Variants in DNAAF5 observed in about 807,000 individuals in gnomAD.
DNAAF5 encodes the protein HEAT repeat containing 2.
Under a neutral mutation model 75.8 loss-of-function variants are expected in DNAAF5, and 64 were observed. The observed-to-expected ratio is 0.84, with a 90% confidence interval of 0.69 to 1.04. The LOEUF is 1.04. DNAAF5 is among the 50% of genes least tolerant of loss of function. DNAAF5 has a pLI of 0.00. For missense variants in DNAAF5, 1,269 were observed against 1,178.5 expected, an observed-to-expected ratio of 1.08 and a Z score of -1.12; for synonymous variants, 657 against 557.2, an observed-to-expected ratio of 1.18 and a Z score of -2.52.
At chr7:774,700 C>T (rs1287880400) in intron 10 of DNAAF5, among the ~76,000 whole-genome samples, 1 of 152,188 alleles carries the variant, frequency 6.6e-6, no homozygotes, top group Non-Finnish European at 1.5e-5. Flanking sequence ...CTGGTGCACG[C>T]GGGGTGGTGC....
intron 8 of DNAAF5, among the ~76,000 whole-genome samples, chr7:767,667 T>A (rs1324995973): frequency 1.3e-5 from 2 of 152,108 alleles, no homozygotes; most frequent in Non-Finnish European, 2.9e-5. Flanking sequence ...GTGTCCGTGC[T>A]GCAAGCAGGA....
chr7:766,421 T>C (rs1237496502), intron 8 of DNAAF5, among the ~76,000 whole-genome samples: 1 of 152,244 alleles, frequency 6.6e-6, no homozygotes, highest in Non-Finnish European at 1.5e-5. Context: ...TATGGGAAGA[T>C]ACCTTTTAAA....
chr7:749,335 C>T (rs1012709804), intron 4 of DNAAF5, among the ~76,000 whole-genome samples: 2 of 152,218 alleles, frequency 1.3e-5, no homozygotes, highest in African/African-American at 4.8e-5. Context: ...TTGGCAATGC[C>T]TGAGCGTAAA....
chr7:756,545 C>A (rs1263197095), intron 5 of DNAAF5, among the ~76,000 whole-genome samples: 1 of 152,190 alleles, frequency 6.6e-6, no homozygotes, highest in South Asian at 2.1e-4. Flanking sequence ...TCCTTTGGGC[C>A]AGACTTCACT....
chr7:735,359 CGTTGCTCATATTGTA>C (rs1399076330), intron 2 of DNAAF5, among the ~76,000 whole-genome samples: 14 of 147,674 alleles, frequency 9.5e-5, no homozygotes, highest in Non-Finnish European at 1.6e-4. Context: ...CTCATGGTGT[CGTTGCTCATATTGTA>C]GTTGCTCATA....
At chr7:757,285 AT>A (rs1160730276) in intron 6 of DNAAF5, among the ~76,000 whole-genome samples, 4 of 146,812 alleles carry the variant, frequency 2.7e-5, no homozygotes, top group African/African-American at 1.0e-4. Context: ...TCACGTTTAC[AT>A]TCGTTGCTGC....
rs151119269 is a variant in DNAAF5 at position 754,695 on chromosome 7, G to T, written c.1131G>T (p.Val377=). 2.1e-5 allele frequency: 34 copies of T among 1,614,044 alleles called. 1 individual carries two copies. The Middle Eastern group carries it at 2.6e-3, about 125-fold the overall frequency. ...CCGACTGGGTGGTGGGGACCCGAGT[G>T]AAGTCGGCACAGCTGCTCCCAGTGC... ...DITDWVVGTR[V]KSAQLLPVLL... Residue 377 remains valine, a synonymous_variant, in exon 5 of 13, where the codon GTG becomes GTT. Transcript: ENST00000297440. The surrounding 1 kb of genome is among the most constrained non-coding windows in gnomAD (Gnocchi z 4.8).
rs1262724211 is a variant in DNAAF5 at position 729,528 on chromosome 7, T to C, written c.596-135T>C. 5 of 774,128 alleles carry C rather than the reference T, an allele frequency of 6.5e-6. No individual in the cohort carries two copies. In the East Asian group the frequency reaches 1.1e-4, roughly 17 times the overall value. The allele number at this position is 774,128 out of a possible 1,614,324, so 48.0% of individuals were successfully genotyped here. ...GGCAGCCTGGATTGTGTACTGTTCA[T>C]GCAGCAAGGACCTGGCGTAGGAGAG... is the stretch of plus-strand genomic sequence containing the variant. On this transcript the variant is annotated intron_variant, in intron 1 of 12. Coordinates refer to ENST00000297440, the MANE Select transcript of DNAAF5 (RefSeq NM_017802.4).
chr7:744,572 A>T (rs1389830641), intron 4 of DNAAF5, among the ~76,000 whole-genome samples: 1 of 152,236 alleles, frequency 6.6e-6, no homozygotes, highest in African/African-American at 2.4e-5. Flanking sequence ...ATCACTGGCC[A>T]TCAGAGAAAT....
intron 4 of DNAAF5, among the ~76,000 whole-genome samples, chr7:753,713 CTCAT>C (rs1465795994): frequency 3.5e-5 from 5 of 143,778 alleles, no homozygotes; most frequent in East Asian, 2.1e-4. Flanking sequence ...GCGTGTCTCT[CTCAT>C]ATGGGGACGG....
intron 2 of DNAAF5, among the ~76,000 whole-genome samples, chr7:739,061 GGGGC>G (rs1280760835): frequency 2.1e-5 from 3 of 143,976 alleles, no homozygotes; most frequent in Non-Finnish European, 3.0e-5. Context: ...GTTTGGGCTG[GGGGC>G]TGGCTGCAGT....
At chr7:761,450 T>C (rs1782640758) in intron 6 of DNAAF5, among the ~76,000 whole-genome samples, 1 of 152,262 alleles carries the variant, frequency 6.6e-6, no homozygotes. Context: ...GGACTCAAAG[T>C]TCCACATGGC....
chr7:730,081 T>C (rs568532403), intron 2 of DNAAF5, among the ~76,000 whole-genome samples: 1 of 152,298 alleles, frequency 6.6e-6, no homozygotes, highest in South Asian at 2.1e-4. Context: ...GGATGACTTG[T>C]GTAGTTATTG....
In DNAAF5 at chr7:727,201, G is replaced by C. The variant is rs1781354480; in HGVS notation, c.481G>C (p.Ala161Pro). ...CGTGGACCTGTGCGGCGCCGCGCTC[G>C]CGCCCCACCTGGACGACGCTCTGCG... ...LAVDLCGAAL[A>P]PHLDDALRAL... Residue 161 changes from alanine to proline, a missense_variant, in exon 1 of 13, where the codon GCG becomes CCG. By Grantham distance (27) the Ala-to-Pro change is conservative (BLOSUM62 -1). Transcript: ENST00000297440. 3.0e-6 allele frequency: 4 copies of C among 1,345,666 alleles called. No homozygotes were observed. The highest frequency in any genetic ancestry group is 3.8e-6 in the Non-Finnish European group (4 of 1,045,856). 83.4% of individuals were successfully genotyped at this position (1,345,666 alleles called of 1,614,324 possible).
At chr7:770,043 C>T (rs532051182) in intron 8 of DNAAF5, among the ~76,000 whole-genome samples, 1 of 152,100 alleles carries the variant, frequency 6.6e-6, no homozygotes, top group East Asian at 1.9e-4. Flanking sequence ...CCTCCACCTC[C>T]CAGGTTCAAG....
chr7:739,556 A>T (rs893465972), intron 2 of DNAAF5, among the ~76,000 whole-genome samples: 3 of 152,200 alleles, frequency 2.0e-5, no homozygotes, highest in African/African-American at 7.2e-5. Context: ...CGCGCCACAC[A>T]TTCCTGTGTC....
At chr7:770,354 G>A (rs1013963248) in intron 8 of DNAAF5, 117 bp from the exon 9 acceptor site, 1 of 817,286 alleles carries the variant, frequency 1.2e-6, no homozygotes, top group Non-Finnish European at 1.9e-6. Context: ...AAGCGGGGAG[G>A]TGGTGGCCGA....
chr7:786,033 AAAAAG>A lies in DNAAF5; in HGVS notation c.*384_*388del. 5.8e-6 allele frequency: 1 copy of A among 171,614 alleles called. No homozygotes were observed. The highest frequency in any genetic ancestry group is 1.2e-5 in the Non-Finnish European group (1 of 81,106). 10.6% of individuals were successfully genotyped at this position (171,614 alleles called of 1,614,324 possible). A position where few individuals can be genotyped will look rare whatever the true frequency, so the allele number is the denominator to read the frequency against. On this transcript the variant is annotated 3_prime_UTR_variant, in exon 13 of 13. Coordinates refer to ENST00000297440, the MANE Select transcript of DNAAF5 (RefSeq NM_017802.4). ...CAAGAAGGTTTTTACCTACTTAACA[AAAAAG>A]AAAGAAGCCAAAGTGATTAGAAAGA...
chr7:754,529 C>G lies in DNAAF5; in HGVS notation c.1025-60C>G. ...GTCCCTTAAATGTGATGTGCGGTAA[C>G]TTGAGTTGTTGAGGTTTTGCTTGTG... On this transcript the variant is annotated intron_variant, in intron 4 of 12. Coordinates refer to ENST00000297440, the MANE Select transcript of DNAAF5 (RefSeq NM_017802.4). The surrounding 1 kb of genome is among the most constrained non-coding windows in gnomAD (Gnocchi z 4.8). The G allele has an allele frequency of 1.4e-6, 2 of 1,407,728 alleles. No homozygotes were observed. Among genetic ancestry groups the G allele is most frequent in the Non-Finnish European group, 1.0e-6 (1 of 996,662 alleles). 87.2% of individuals were successfully genotyped at this position (1,407,728 alleles called of 1,614,324 possible).
Sources: allele counts gnomAD v4.1 joint callset (sites outside exome capture counted in the v4.1 genomes callset), GRCh38; gene constraint gnomAD v4.1.1; non-coding constraint Gnocchi (gnomAD v3.1); transcripts MANE v1.5; gene names NCBI Gene and HGNC (gene_info 2026-07-23, HGNC 2026-07-21).